Variants in HSPG2 observed in about 807,000 individuals in gnomAD.
The protein encoded by HSPG2 is basement membrane-specific heparan sulfate proteoglycan core protein.
A neutral mutation model predicts 526.6 loss-of-function variants in HSPG2; 278 were observed. The ratio of observed to expected loss-of-function variants is 0.53; its 90% CI spans 0.48 to 0.58. HSPG2 has a LOEUF of 0.58. HSPG2 is among the 20% of genes least tolerant of loss of function. HSPG2 has a pLI of 0.00. For synonymous variants in HSPG2, 2,465 were observed against 2,555.4 expected, an observed-to-expected ratio of 0.96 and a Z score of 1.07; for missense variants, 5,354 against 6,099.5, an observed-to-expected ratio of 0.88 and a Z score of 4.07.
At chr1:21,825,657 G>A (rs929560432) in intron 91 of HSPG2, among the ~76,000 whole-genome samples, 6 of 152,208 alleles carry the variant, frequency 3.9e-5, no homozygotes, top group East Asian at 3.8e-4. Flanking sequence ...TGAGGAGAAC[G>A]GCTGACATTT....
In HSPG2 at chr1:21,842,089, C is replaced by G. The variant is rs539363045; in HGVS notation, c.9106G>C (p.Gly3036Arg). 2 of 1,613,660 alleles carry G rather than the reference C, an allele frequency of 1.2e-6. No individual in the cohort carries two copies. The highest frequency in any genetic ancestry group is 4.5e-5 in the East Asian group (2 of 44,878). The change falls in exon 69 of 97, where the codon GGC becomes CGC. Residue 3036 changes from glycine (G) to arginine (R), a missense_variant. Gly to Arg is a moderately radical substitution (Grantham distance 125). Transcript: ENST00000374695. Reference protein sequence around the residue: ...IDPPSSTVQQGQDASFKCLIH... With the variant: ...IDPPSSTVQQRQDASFKCLIH... ...AGGCACTTGAAGCTGGCATCCTGGC[C>G]CTGCTGCACGGTGCTGCTGGGCGGG...
intron 1 of HSPG2, among the ~76,000 whole-genome samples, chr1:21,922,580 C>G (rs1644069881): frequency 6.6e-6 from 1 of 152,112 alleles, no homozygotes; most frequent in Admixed American, 6.5e-5. Context: ...AAAGGTGGCC[C>G]CTGGGGCTTC....
chr1:21,911,551 G>A (rs1303084432), intron 1 of HSPG2, among the ~76,000 whole-genome samples: 14 of 152,216 alleles, frequency 9.2e-5, no homozygotes, highest in Non-Finnish European at 1.5e-5. Flanking sequence ...GCCTGGCCTC[G>A]CTGTCCCATA....
rs1194864170 is a variant in HSPG2 at position 21,864,882 on chromosome 1, C to T, written c.4587G>A (p.Glu1529=). Residue 1529 remains glutamate (E), a synonymous_variant, in exon 36 of 97, where the codon GAG becomes GAA. Coordinates refer to ENST00000374695, the MANE Select transcript of HSPG2 (RefSeq NM_005529.7). This position sits in a 1 kb window ranked among gnomAD's most constrained non-coding sequence, Gnocchi z 4.8. ...CGATGTAGCCTGGCGGGCAGCGGCA[C>T]TCCTCCACCTCGAGGGCGCGGGGTC... ...SNRPRALEVE[E]CRCPPGYIGL... 2.5e-6 allele frequency: 4 copies of T among 1,610,864 alleles called. No individual in the cohort carries two copies. The Admixed American group carries it at 5.0e-5, about 20-fold the overall frequency.
At chr1:21,832,711 C>A (rs1274155647) in intron 80 of HSPG2, 105 bp from the exon 81 acceptor site, 3 of 790,418 alleles carry the variant, frequency 3.8e-6, no homozygotes, top group Non-Finnish European at 6.5e-6. Flanking sequence ...ACTCTCGGAA[C>A]CTGTCCCTCC....
At chr1:21,856,599 G>T (rs1251256826) in intron 44 of HSPG2, among the ~76,000 whole-genome samples, 1 of 98,464 alleles carries the variant, frequency 1.0e-5, no homozygotes, top group Admixed American at 1.0e-4. Flanking sequence ...TGTATTTTTA[G>T]TAGAGACAGG....
chr1:21,891,292 GCT>G (rs1175571445), intron 3 of HSPG2, among the ~76,000 whole-genome samples: 1 of 152,222 alleles, frequency 6.6e-6, no homozygotes, highest in Non-Finnish European at 1.5e-5. Context: ...ACTGACCTCG[GCT>G]CTGAGTTTCT....
Position 21,855,628 on chromosome 1 carries a change from T to C in HSPG2, c.5749A>G (p.Ile1917Val). 6.3e-7 allele frequency: 1 copy of C among 1,576,630 alleles called. No homozygotes were observed. Among genetic ancestry groups the C allele is most frequent in the Non-Finnish European group, 8.6e-7 (1 of 1,164,100 alleles). Reference sequence around the variant, plus strand: ...GGCTCGACAGCTGGCAGGCGCAGGATGCCGCCGTGGATTTGTGCCTTCGCA... The same window carrying C: ...GGCTCGACAGCTGGCAGGCGCAGGACGCCGCCGTGGATTTGTGCCTTCGCA... ...LPAKAQIHGGILRLPAVEPTD... is the reference protein window; with the variant it reads ...LPAKAQIHGGVLRLPAVEPTD... The change falls in exon 46 of 97, where the codon ATC becomes GTC. Residue 1917 changes from isoleucine (I) to valine (V), a missense_variant. By Grantham distance (29) the Ile-to-Val change is conservative (BLOSUM62 3). Transcript: ENST00000374695.
intron 1 of HSPG2, chr1:21,908,336 T>A: frequency 9.6e-7 from 1 of 1,046,916 alleles, no homozygotes; most frequent in Non-Finnish European, 1.5e-6. Context: ...AACAAACAAG[T>A]TAAGGGCAAG....
intron 1 of HSPG2, among the ~76,000 whole-genome samples, chr1:21,930,232 G>C (rs6697265): frequency 0.19 from 29,113 of 152,062 alleles, 3,680 homozygotes; most frequent in East Asian, 0.42. Context: ...TGATATCTGC[G>C]AGGCTCACCC....
intron 77 of HSPG2, 35 bp from the exon 78 acceptor site, chr1:21,833,960 T>C: frequency 2.1e-6 from 3 of 1,418,648 alleles, no homozygotes; most frequent in Non-Finnish European, 2.9e-6. Context: ...GCCATCAACA[T>C]GACAGTCACA....
intron 49 of HSPG2, 127 bp from the exon 50 acceptor site, chr1:21,854,470 G>A: frequency 6.9e-7 from 1 of 1,451,650 alleles, no homozygotes; most frequent in Non-Finnish European, 9.3e-7. Flanking sequence ...CTAGAAACTG[G>A]GAGGGAGGGA....
At chr1:21,876,684 C>A in intron 21 of HSPG2, 32 bp from the exon 22 acceptor site, 1 of 1,613,896 alleles carries the variant, frequency 6.2e-7, no homozygotes, top group Non-Finnish European at 8.5e-7. Context: ...TGAAGGACAG[C>A]CCATGGGAGA....
chr1:21,829,372 T>C lies in HSPG2; in HGVS notation c.11992+11A>G. On this transcript the variant is annotated intron_variant, in intron 87 of 96. Transcript: ENST00000374695. ...GTGTGCAGAGCCCCGCATTTGGTGC[T>C]GGGTGCTTACCTGACCCCAACTCAT... 2 of 1,612,528 alleles carry C rather than the reference T, an allele frequency of 1.2e-6. No homozygotes were observed. Among genetic ancestry groups the C allele is most frequent in the Non-Finnish European group, 1.7e-6 (2 of 1,179,272 alleles).
At chr1:21,868,696 C>T (rs531347839) in intron 33 of HSPG2, among the ~76,000 whole-genome samples, 243 of 152,224 alleles carry the variant, frequency 1.6e-3, no homozygotes, top group Non-Finnish European at 2.7e-3. Context: ...GGTCAGGGCC[C>T]GCTGAAGGAC....
rs199871934 is a variant in HSPG2 at position 21,887,390 on chromosome 1, G to A, written c.958+30C>T. 1.3e-4 allele frequency: 204 copies of A among 1,613,860 alleles called. 2 individuals are homozygous for A. In the South Asian group the frequency reaches 1.8e-3, roughly 14 times the overall value. On this transcript the variant is annotated intron_variant, in intron 8 of 96. Transcript: ENST00000374695. The surrounding 1 kb of genome is among the most constrained non-coding windows in gnomAD (Gnocchi z 5.0). ...CTCCCGGGCCAGCTTCCTGCTCCCC[G>A]CACCCACCTGCACCCCTGCCGGTGC...
Position 21,828,444 on chromosome 1 carries a change from C to T in HSPG2, c.12238-18G>A, listed in dbSNP as rs369294765. The T allele has an allele frequency of 1.0e-4, 162 of 1,612,022 alleles. No homozygotes were observed. The African/African-American group carries it at 1.9e-3, about 19-fold the overall frequency. On this transcript the variant is annotated intron_variant, in intron 88 of 96. Coordinates refer to ENST00000374695, the MANE Select transcript of HSPG2 (RefSeq NM_005529.7). The surrounding 1 kb of genome is among the most constrained non-coding windows in gnomAD (Gnocchi z 6.0). ...ACTGACACCTGTGGGGACAGGGACA[C>T]CGAGGGACTAAAGGGGCCTGGGAGG...
Position 21,884,923 on chromosome 1 carries a change from T to C in HSPG2, c.1356-5A>G. 6.2e-7 allele frequency: 1 copy of C among 1,613,980 alleles called. No individual in the cohort carries two copies. The highest frequency in any genetic ancestry group is 8.5e-7 in the Non-Finnish European group (1 of 1,180,010). Reference sequence around the variant, plus strand: ...CCCTCGCTGGTCACTGTCACCCTGGTGAGCCCCAAGACAAGTGGTAGGATC... The same window carrying C: ...CCCTCGCTGGTCACTGTCACCCTGGCGAGCCCCAAGACAAGTGGTAGGATC... On this transcript the variant is annotated splice_region_variant and splice_polypyrimidine_tract_variant and intron_variant, in intron 11 of 96. Transcript: ENST00000374695.
At position 21,874,965 on chromosome 1, in the gene HSPG2, C is replaced by T. The variant is rs780814422; in HGVS notation, c.3340G>A (p.Glu1114Lys). ...TCCAGCGCGGGGTCCTGGCCGGTTT[C>T]CTCGGGCACAGCCACGTCCATGCTG... Reference protein sequence around the residue: ...GISMDVAVPEETGQDPALEVE... With the variant: ...GISMDVAVPEKTGQDPALEVE... The change falls in exon 26 of 97, where the codon GAA becomes AAA. Residue 1114 changes from glutamate to lysine, a missense_variant. Coordinates refer to ENST00000374695, the MANE Select transcript of HSPG2 (RefSeq NM_005529.7). The T allele has an allele frequency of 5.6e-6, 9 of 1,610,452 alleles. No homozygotes were observed. The highest frequency in any genetic ancestry group is 7.6e-6 in the Non-Finnish European group (9 of 1,178,596).
Sources: gnomAD v4.1 joint callset for allele counts (sites outside exome capture counted in the v4.1 genomes callset) on GRCh38, gnomAD v4.1.1 for gene constraint, Gnocchi (gnomAD v3.1) non-coding constraint, MANE v1.5 for transcripts, NCBI Gene and HGNC (gene_info 2026-07-23, HGNC 2026-07-21) for gene names.